FBXO11: variants seen among roughly 807,000 people sequenced by gnomAD.
FBXO11 encodes F-box protein 11, also known as F-box only protein 11.
Under a neutral mutation model 117.0 loss-of-function variants are expected in FBXO11, and 13 were observed. The ratio of observed to expected loss-of-function variants is 0.11; its 90% CI spans 0.07 to 0.18. The LOEUF is 0.18. FBXO11 is among the 10% of genes least tolerant of loss of function. FBXO11 has a pLI of 1.00. For missense variants in FBXO11, 767 were observed against 1,164.4 expected (o/e 0.66, Z 4.97); for synonymous variants, 490 against 380.5 (o/e 1.29, Z -3.35).
At chr2:47,855,852 A>T (rs1029791028) in intron 1 of FBXO11, among the ~76,000 whole-genome samples, 2 of 152,154 alleles carry the variant, frequency 1.3e-5, no homozygotes, top group African/African-American at 4.8e-5. Flanking sequence ...AAAAAAAAAA[A>T]AAGGAATGTT....
chr2:47,836,205 T>TG (rs897262161), intron 4 of FBXO11, among the ~76,000 whole-genome samples: 7 of 152,092 alleles, frequency 4.6e-5, no homozygotes, highest in Admixed American at 3.3e-4. Flanking sequence ...GGCATGATCT[T>TG]GGCTCACTGC....
At chr2:47,808,456 C>T in intron 21 of FBXO11, 29 bp from the exon 22 acceptor site, 1 of 1,538,774 alleles carries the variant, frequency 6.5e-7, no homozygotes, top group Non-Finnish European at 8.8e-7. Context: ...AATTACTTTT[C>T]TCAAACATGT....
chr2:47,893,338 T>A (rs1677404258), intron 1 of FBXO11, among the ~76,000 whole-genome samples: 1 of 150,316 alleles, frequency 6.7e-6, no homozygotes, highest in South Asian at 2.1e-4. Flanking sequence ...TATATATAAA[T>A]CACATGTGTA....
chr2:47,835,455 C>A (rs912846208), intron 5 of FBXO11, among the ~76,000 whole-genome samples: 7 of 152,094 alleles, frequency 4.6e-5, no homozygotes, highest in African/African-American at 1.7e-4. Flanking sequence ...AAAAGAATTG[C>A]TGAATATTCT....
At chr2:47,822,605 AG>A (rs1671469124) in intron 12 of FBXO11, among the ~76,000 whole-genome samples, 1 of 152,246 alleles carries the variant, frequency 6.6e-6, no homozygotes, top group South Asian at 2.1e-4. Context: ...ACTTCCATAA[AG>A]CCAATGGAAA....
At chr2:47,817,747 T>A (rs1671103691) in intron 16 of FBXO11, among the ~76,000 whole-genome samples, 1 of 152,234 alleles carries the variant, frequency 6.6e-6, no homozygotes, top group African/African-American at 2.4e-5. Context: ...GAGATGGGAA[T>A]GGCTGCTTGG....
rs149058865 is a variant in FBXO11, at chr2:47,901,128, CATGTAT to C, written c.232+4355_232+4360del. Reference sequence around the variant, plus strand: ...ATGTATATATGTACACACGTGTGTACATGTATATATATACACACGTGTGTACATATA... The same window carrying C: ...ATGTATATATGTACACACGTGTGTACATATATACACACGTGTGTACATATA... On this transcript the variant is annotated intron_variant, in intron 1 of 22. Transcript: ENST00000403359. Among the ~76,000 whole-genome samples the C allele has an allele frequency of 7.6e-4, 64 of 84,410 alleles. 2 individuals are homozygous for C. Among genetic ancestry groups the C allele is most frequent in the Non-Finnish European group, 1.1e-3 (48 of 44,990 alleles). 55.4% of individuals were successfully genotyped at this position (84,410 alleles called of 152,430 possible). A position where few individuals can be genotyped will look rare whatever the true frequency, so the allele number is the denominator to read the frequency against.
chr2:47,832,273 G>A, intron 11 of FBXO11, 76 bp downstream of exon 11: 1 of 1,305,452 alleles, frequency 7.7e-7, no homozygotes, highest in Non-Finnish European at 1.0e-6. Flanking sequence ...TTGGTGATGA[G>A]AAAATAATGC....
intron 14 of FBXO11, 74 bp downstream of exon 14, chr2:47,820,288 A>G: frequency 8.6e-7 from 1 of 1,160,936 alleles, no homozygotes; most frequent in South Asian, 1.5e-5. Flanking sequence ...GCCTACCTAA[A>G]AGCTTGAGGA....
At chr2:47,822,491 C>T (rs1671462525) in intron 12 of FBXO11, among the ~76,000 whole-genome samples, 188 bp from the exon 13 acceptor site, 1 of 152,166 alleles carries the variant, frequency 6.6e-6, no homozygotes, top group Non-Finnish European at 1.5e-5. Context: ...ACATATGTAG[C>T]ATTCTTAAAA....
chr2:47,834,374 G>T (rs527498381), intron 7 of FBXO11, among the ~76,000 whole-genome samples: 1 of 151,846 alleles, frequency 6.6e-6, no homozygotes, highest in East Asian at 1.9e-4. Flanking sequence ...GGTTGGGGGG[G>T]GCGGGGAGAA....
At chr2:47,898,479 C>T (rs1677843426) in intron 1 of FBXO11, among the ~76,000 whole-genome samples, 1 of 152,140 alleles carries the variant, frequency 6.6e-6, no homozygotes, top group Non-Finnish European at 1.5e-5. Flanking sequence ...ATAGTCCAGC[C>T]TACAACCATG....
chr2:47,843,310 A>G (rs192203534), intron 1 of FBXO11, among the ~76,000 whole-genome samples: 31 of 152,310 alleles, frequency 2.0e-4, no homozygotes, highest in African/African-American at 7.0e-4. Context: ...TAGCTTGTTA[A>G]TTGTGTTGTT....
intron 5 of FBXO11, 26 bp from the exon 6 acceptor site, chr2:47,834,897 C>G: frequency 2.0e-6 from 3 of 1,497,724 alleles, no homozygotes; most frequent in Non-Finnish European, 2.8e-6. Flanking sequence ...CAAAACAAAA[C>G]CATTGACTAC....
intron 16 of FBXO11, among the ~76,000 whole-genome samples, chr2:47,818,159 C>T (rs1671138871): frequency 6.6e-6 from 1 of 152,104 alleles, no homozygotes; most frequent in South Asian, 2.1e-4. Flanking sequence ...CCATAACAGA[C>T]ATAATGATAA....
At position 47,905,511 on chromosome 2, in the gene FBXO11, C is replaced by T. The variant is rs777560676; in HGVS notation, c.210G>A (p.Glu70=). ...PPPPPPPLPQ[E]RNNVGERDDD... is the part of the protein sequence containing the mutation. ...TACCCCGCTCGCCGACGTTGTTCCG[C>T]TCCTGAGGCAGCGGCGGAGGCGGCG... Residue 70 remains glutamate, a synonymous_variant, in exon 1 of 23, where the codon GAG becomes GAA. Transcript: ENST00000403359. 1 of 1,233,696 alleles carries T rather than the reference C, an allele frequency of 8.1e-7. No individual in the cohort carries two copies. The highest frequency in any genetic ancestry group is 1.0e-6 in the Non-Finnish European group (1 of 990,364). 76.4% of individuals were successfully genotyped at this position (1,233,696 alleles called of 1,614,324 possible).
In FBXO11 at chr2:47,905,586, A is replaced by AGGCTGCTGCTGGGGC. The variant is rs747252806; in HGVS notation, c.120_134dup (p.Gln42_Pro46dup). On this transcript the variant is annotated inframe_insertion, in exon 1 of 23. Coordinates refer to ENST00000403359, the MANE Select transcript of FBXO11 (RefSeq NM_001190274.2). Reference sequence around the variant, plus strand: ...GCTGCTGCTGCTGCGGCGGCGGCGGAGGCTGCTGCTGGGGCGGCTGCTGCT... The same window carrying AGGCTGCTGCTGGGGC: ...GCTGCTGCTGCTGCGGCGGCGGCGGAGGCTGCTGCTGGGGCGGCTGCTGCTGGGGCGGCTGCTGCT... 1.8e-4 allele frequency: 229 copies of AGGCTGCTGCTGGGGC among 1,250,004 alleles called. 1 individual carries two copies. Among genetic ancestry groups the AGGCTGCTGCTGGGGC allele is most frequent in the African/African-American group, 3.5e-4 (22 of 62,704 alleles). 77.4% of individuals were successfully genotyped at this position (1,250,004 alleles called of 1,614,324 possible). A position where few individuals can be genotyped will look rare whatever the true frequency, so the allele number is the denominator to read the frequency against.
chr2:47,883,051 TA>T (rs1353891713), intron 1 of FBXO11, among the ~76,000 whole-genome samples: 1 of 152,190 alleles, frequency 6.6e-6, no homozygotes, highest in Non-Finnish European at 1.5e-5. Flanking sequence ...TCCTGCTTTG[TA>T]ATCTTCTCTT....
chr2:47,886,398 C>T (rs1039237514), intron 1 of FBXO11, among the ~76,000 whole-genome samples: 26 of 151,148 alleles, frequency 1.7e-4, no homozygotes, highest in Non-Finnish European at 3.4e-4. Flanking sequence ...CCCAGCTACT[C>T]AGGAGGCTGA....
Sources: gnomAD v4.1 joint callset for allele counts (sites outside exome capture counted in the v4.1 genomes callset) on GRCh38, gnomAD v4.1.1 for gene constraint, MANE v1.5 for transcripts, NCBI Gene and HGNC (gene_info 2026-07-23, HGNC 2026-07-21) for gene names.